CDHR2: variants seen among roughly 807,000 people sequenced by gnomAD.
The protein encoded by CDHR2 is cadherin-related family member 2.
In CDHR2, 104 loss-of-function variants were observed where a neutral mutation model predicts 138.6. The ratio of observed to expected loss-of-function variants is 0.75; its 90% confidence interval spans 0.64 to 0.88. The LOEUF is 0.88. CDHR2 is among the 40% of genes least tolerant of loss of function. The pLI is 0.00. For synonymous variants in CDHR2, 755 were observed against 742.8 expected (o/e 1.02, Z -0.27); for missense variants, 1,624 against 1,727.6 (o/e 0.94, Z 1.06).
Position 176,589,517 on chromosome 5 carries a change from C to T in CDHR2, c.3118-11C>T, listed in dbSNP as rs758201050. 13 of 1,614,038 alleles carry T rather than the reference C, an allele frequency of 8.1e-6. No homozygotes were observed. Among genetic ancestry groups the T allele is most frequent in the African/African-American group, 1.3e-5 (1 of 75,032 alleles). ...CCCTGGTGCCTCATCTCCTGCACACCCCCTTCCCAGCTCTTCACCGTGGAC... is the reference window on the plus strand; with the variant it reads ...CCCTGGTGCCTCATCTCCTGCACACTCCCTTCCCAGCTCTTCACCGTGGAC... On this transcript the variant is annotated splice_polypyrimidine_tract_variant and intron_variant, in intron 23 of 31. Transcript: ENST00000261944.
upstream of CDHR2, chr5:176,547,533 C>T (rs374734976): frequency 6.6e-6 from 1 of 152,048 alleles, no homozygotes; most frequent in African/African-American, 2.4e-5. Flanking sequence ...CTGTTTCTGA[C>T]CTGGGCTGGT....
At chr5:176,585,772 G>C (rs566365010) in intron 19 of CDHR2, among the ~76,000 whole-genome samples, 182 bp from the exon 20 acceptor site, 3 of 152,014 alleles carry the variant, frequency 2.0e-5, no homozygotes, top group Non-Finnish European at 4.4e-5. Flanking sequence ...GAGAAGCTGC[G>C]GGGCATGGGG....
At chr5:176,562,742 C>T (rs1757993209) in intron 1 of CDHR2, among the ~76,000 whole-genome samples, 1 of 152,120 alleles carries the variant, frequency 6.6e-6, no homozygotes, top group Admixed American at 6.5e-5. Context: ...GGGTTTGGGG[C>T]AGGAGCTTGG....
chr5:176,565,129 C>T (rs1453886373), intron 1 of CDHR2, among the ~76,000 whole-genome samples: 1 of 152,182 alleles, frequency 6.6e-6, no homozygotes, highest in Non-Finnish European at 1.5e-5. Flanking sequence ...CAGGTTCAGA[C>T]ATCGTGGTCA....
At chr5:176,569,087 G>C in intron 5 of CDHR2, 77 bp downstream of exon 5, 1 of 1,363,106 alleles carries the variant, frequency 7.3e-7, no homozygotes, top group East Asian at 2.3e-5. Context: ...TCCGGCAAGC[G>C]GACGGTGCCC....
chr5:176,559,868 TG>T (rs1244310782), intron 1 of CDHR2, among the ~76,000 whole-genome samples: 1 of 152,196 alleles, frequency 6.6e-6, no homozygotes, highest in East Asian at 1.9e-4. Flanking sequence ...GGGTTGCTAC[TG>T]GCATCTAGTG....
Position 176,591,478 on chromosome 5 carries a change from C to T in CDHR2, c.3728C>T (p.Ser1243Phe), listed in dbSNP as rs150666276. 7 of 1,611,230 alleles carry T rather than the reference C, an allele frequency of 4.3e-6. No homozygotes were observed. In the African/African-American group the frequency reaches 9.3e-5, roughly 22 times the overall value. ...CTCTCTCCCTCCAATGACCTGGACT[C>T]TGTCAGGTGAGCAGTGCCCCTCACA... is the stretch of plus-strand genomic sequence containing the variant. ...EYLSPSNDLDSVSVNSLDDNS... is the reference protein window; with the variant it reads ...EYLSPSNDLDFVSVNSLDDNS... The change falls in exon 30 of 32, where the codon TCT becomes TTT. Residue 1243 changes from serine (S) to phenylalanine (F), a missense_variant. By Grantham distance (155) the Ser-to-Phe change is radical. This residue lies in a region of CDHR2 where 556 missense variants were observed against 565.7 expected (regional missense o/e 0.98). Transcript: ENST00000261944.
At chr5:176,582,163 G>A (rs1758547909) in intron 17 of CDHR2, among the ~76,000 whole-genome samples, 1 of 152,248 alleles carries the variant, frequency 6.6e-6, no homozygotes, top group Middle Eastern at 3.4e-3. Flanking sequence ...TGGGACTATA[G>A]GCATATGCCA....
At position 176,581,380 on chromosome 5, in the gene CDHR2, G is replaced by T. The variant is rs374220405; in HGVS notation, c.1856G>T (p.Arg619Leu). 8 of 1,613,826 alleles carry T rather than the reference G, an allele frequency of 5.0e-6. No homozygotes were observed. Among genetic ancestry groups the T allele is most frequent in the Non-Finnish European group, 5.9e-6 (7 of 1,180,016 alleles). ...GATGAGCCGGGCACCAACAACAGCC[G>T]TCTGCTCTTCAACCTGCTGCCTGGC... ...DNDEPGTNNSRLLFNLLPGPY... is the reference protein window; with the variant it reads ...DNDEPGTNNSLLLFNLLPGPY... Residue 619 changes from arginine to leucine, a missense_variant, in exon 17 of 32, where the codon CGT (arginine) becomes CTT (leucine). Physicochemically the swap from Arg to Leu is moderately radical, Grantham distance 102. Around this residue, in one of 3 missense-constraint regions of CDHR2, gnomAD observed 1,061 missense variants for 1,136.6 expected, o/e 0.93. Coordinates refer to ENST00000261944, the MANE Select transcript of CDHR2 (RefSeq NM_017675.6).
chr5:176,591,776 T>A, intron 30 of CDHR2: 1 of 41,332 alleles, frequency 2.4e-5, no homozygotes, highest in Non-Finnish European at 6.2e-5. Context: ...ATGACGATGG[T>A]GGTGGTGGTG....
At chr5:176,587,646 C>A (rs139347816) in intron 21 of CDHR2, among the ~76,000 whole-genome samples, 1 of 152,004 alleles carries the variant, frequency 6.6e-6, no homozygotes, top group African/African-American at 2.4e-5. Flanking sequence ...TCTGGGACTC[C>A]GTTTCCCTGT....
intron 9 of CDHR2, 23 bp from the exon 10 acceptor site, chr5:176,575,483 G>A (rs1015296928): frequency 1.3e-5 from 21 of 1,614,070 alleles, no homozygotes; most frequent in African/African-American, 5.3e-5. Flanking sequence ...AGTTTGAGGA[G>A]CACTGACCAG....
upstream of CDHR2, among the ~76,000 whole-genome samples, chr5:176,546,730 G>C (rs960165294): frequency 4.8e-4 from 65 of 134,274 alleles, no homozygotes; most frequent in African/African-American, 1.8e-3. Context: ...AAACCAGCCT[G>C]GCCAACATGG....
At chr5:176,570,330 C>T (rs1161067522) in intron 5 of CDHR2, among the ~76,000 whole-genome samples, 1 of 152,182 alleles carries the variant, frequency 6.6e-6, no homozygotes, top group Non-Finnish European at 1.5e-5. Context: ...CGTGATAGGA[C>T]AGGCACTTTT....
intron 24 of CDHR2, 44 bp downstream of exon 24, chr5:176,589,660 T>G: frequency 5.8e-6 from 9 of 1,554,314 alleles, no homozygotes; most frequent in Non-Finnish European, 8.0e-6. Context: ...AAGAACAGGG[T>G]GTAGGAGCCT....
intron 28 of CDHR2, among the ~76,000 whole-genome samples, chr5:176,591,005 C>T (rs1040444622): frequency 6.6e-6 from 1 of 152,216 alleles, no homozygotes; most frequent in Non-Finnish European, 1.5e-5. Context: ...AGTCAGCAGC[C>T]GTATCTGGGC....
At chr5:176,588,408 A>AGT (rs1561880689) in intron 21 of CDHR2, among the ~76,000 whole-genome samples, 1 of 131,470 alleles carries the variant, frequency 7.6e-6, no homozygotes, top group Non-Finnish European at 1.7e-5. Flanking sequence ...TGCATGAGAG[A>AGT]GTGAGGGTGT....
In CDHR2 at chr5:176,577,808, G is replaced by A. The variant is rs759499965; in HGVS notation, c.1512+10G>A. ...CACCGACAGCATCCACGTGAGTGATGTGGACACAGTGGGGCTGTGGGGTCC... is the reference window on the plus strand; with the variant it reads ...CACCGACAGCATCCACGTGAGTGATATGGACACAGTGGGGCTGTGGGGTCC... On this transcript the variant is annotated intron_variant, in intron 14 of 31. Coordinates refer to ENST00000261944, the MANE Select transcript of CDHR2 (RefSeq NM_017675.6). 2 of 1,613,520 alleles carry A rather than the reference G, an allele frequency of 1.2e-6. No homozygotes were observed. The highest frequency in any genetic ancestry group is 1.7e-6 in the Non-Finnish European group (2 of 1,179,726).
chr5:176,585,993 C>A lies in CDHR2; in HGVS notation c.2774C>A (p.Ala925Glu), dbSNP rs1758654303. ...ACCATTGAGGACGTGAATGACAATG[C>A]ACCCTATTTTCTGCCTGAGAATAAG... ...LITIEDVNDNAPYFLPENKTF... is the reference protein window; with the variant it reads ...LITIEDVNDNEPYFLPENKTF... Residue 925 changes from alanine (A) to glutamate (E), a missense_variant, in exon 20 of 32, where the codon GCA (alanine) becomes GAA (glutamate). Ala to Glu is a moderately radical substitution (Grantham distance 107). Transcript: ENST00000261944. 1.9e-6 allele frequency: 3 copies of A among 1,613,864 alleles called. No homozygotes were observed. In the South Asian group the frequency reaches 3.3e-5, roughly 18 times the overall value.
Sources: allele counts gnomAD v4.1 joint callset (sites outside exome capture counted in the v4.1 genomes callset), GRCh38; gene constraint gnomAD v4.1.1; regional missense constraint gnomAD v4.1.1; transcripts MANE v1.5; gene names NCBI Gene and HGNC (gene_info 2026-07-23, HGNC 2026-07-21).